Variants in ESRRG observed in about 807,000 individuals in gnomAD.
The protein encoded by ESRRG is estrogen related receptor gamma.
In ESRRG, 13 loss-of-function variants were observed where a neutral mutation model predicts 44.0. The observed-to-expected ratio is 0.30, with a 90% CI of 0.19 to 0.47. ESRRG has a LOEUF of 0.47. Among genes scored for constraint, ESRRG ranks in the 20% least tolerant of loss-of-function variants. ESRRG has a pLI of 1.00. For missense variants in ESRRG, 395 were observed against 580.6 expected (o/e 0.68, Z 3.29); for synonymous variants, 215 against 214.6 (o/e 1.00, Z -0.02).
chr1:216,686,806 C>T (rs531096593), intron 1 of ESRRG, among the ~76,000 whole-genome samples: 6 of 152,272 alleles, frequency 3.9e-5, no homozygotes, highest in African/African-American at 9.6e-5. Flanking sequence ...TCAGTTTTCT[C>T]ATTTATAAAA....
chr1:216,701,279 T>C (rs2151867617), intron 1 of ESRRG: 1 of 152,330 alleles, frequency 6.6e-6, no homozygotes, highest in Non-Finnish European at 1.5e-5. Flanking sequence ...CACCACACTA[T>C]CTTGCTTCCC....
chr1:216,698,871 T>C (rs909939978), intron 1 of ESRRG, among the ~76,000 whole-genome samples: 1 of 152,128 alleles, frequency 6.6e-6, no homozygotes, highest in Admixed American at 6.5e-5. Flanking sequence ...TCTTGAAAAA[T>C]GGCGACTTTC....
At chr1:216,899,493 C>T (rs1426805783) in intron 2 of ESRRG, among the ~76,000 whole-genome samples, 3 of 152,090 alleles carry the variant, frequency 2.0e-5, no homozygotes, top group Non-Finnish European at 2.9e-5. Context: ...AAGAGAAATA[C>T]TTCATTTATG....
intron 2 of ESRRG, among the ~76,000 whole-genome samples, chr1:216,875,626 T>C (rs1432368489): frequency 6.6e-6 from 1 of 152,012 alleles, no homozygotes; most frequent in Non-Finnish European, 1.5e-5. Context: ...ATGAATTCTA[T>C]ATTTATATTA....
chr1:216,656,966 G>T (rs1045539558), intron 2 of ESRRG, among the ~76,000 whole-genome samples: 1 of 152,084 alleles, frequency 6.6e-6, no homozygotes, highest in African/African-American at 2.4e-5. Context: ...CAATTACAGA[G>T]CATTGGAATC....
At chr1:216,632,864 C>T (rs1036229005) in intron 3 of ESRRG, among the ~76,000 whole-genome samples, 10 of 152,078 alleles carry the variant, frequency 6.6e-5, no homozygotes, top group Non-Finnish European at 4.4e-5. Context: ...AGTTTGTCAG[C>T]TGGAGGGAAT....
chr1:216,974,347 T>C (rs974473446), intron 1 of ESRRG, among the ~76,000 whole-genome samples: 3 of 152,138 alleles, frequency 2.0e-5, no homozygotes, highest in Non-Finnish European at 4.4e-5. Context: ...CCAAAATACA[T>C]GCAACTATTA....
intron 1 of ESRRG, chr1:216,682,083 A>G (rs1050915157): frequency 2.0e-5 from 3 of 152,250 alleles, no homozygotes; most frequent in African/African-American, 7.2e-5. Context: ...TCACCGAAAT[A>G]CAAGTTCTTA....
In ESRRG at chr1:216,983,239, A is replaced by ATT. The variant is rs112989445; in HGVS notation, c.-105-43568_-105-43567dup. 1.2e-3 allele frequency among the ~76,000 whole-genome samples: 182 copies of ATT among 148,224 alleles called. 3 individuals are homozygous for ATT. Among genetic ancestry groups the ATT allele is most frequent in the African/African-American group, 4.1e-3 (166 of 40,490 alleles). On this transcript the variant is annotated intron_variant, in intron 1 of 7. Transcript: ENST00000359162. ...CCAAGACAGTGGTATTGATTTTTTT[A>ATT]TTTTTTTTTTGAGACAGGGTCTCGC...
intron 2 of ESRRG, among the ~76,000 whole-genome samples, chr1:216,861,381 A>G (rs1431653665): frequency 6.6e-6 from 1 of 152,084 alleles, no homozygotes; most frequent in Non-Finnish European, 1.5e-5. Flanking sequence ...AATGTCTCCA[A>G]TACAAATAAA....
chr1:216,845,899 A>C (rs2148923044), intron 2 of ESRRG, among the ~76,000 whole-genome samples: 1 of 151,866 alleles, frequency 6.6e-6, no homozygotes, highest in Middle Eastern at 3.4e-3. Context: ...TCTCCACTCC[A>C]CTCCTCTTTG....
chr1:216,548,400 T>G (rs2055214697), intron 5 of ESRRG, among the ~76,000 whole-genome samples: 2 of 152,108 alleles, frequency 1.3e-5, no homozygotes, highest in South Asian at 4.1e-4. Context: ...TATAGTATAA[T>G]TCCTTAAAAT....
intron 1 of ESRRG, among the ~76,000 whole-genome samples, chr1:216,970,014 T>C: frequency 6.6e-6 from 1 of 152,286 alleles, no homozygotes; most frequent in African/African-American, 2.4e-5. Flanking sequence ...CAATGGCACA[T>C]GAAAGAATCA....
intron 2 of ESRRG, among the ~76,000 whole-genome samples, chr1:216,742,320 C>G (rs563479092): frequency 6.6e-5 from 10 of 152,144 alleles, no homozygotes; most frequent in Non-Finnish European, 1.3e-4. Flanking sequence ...GAGAGAGGAG[C>G]AAAAGATGCA....
chr1:216,902,693 G>A (rs2059225744), intron 2 of ESRRG, among the ~76,000 whole-genome samples: 1 of 152,134 alleles, frequency 6.6e-6, no homozygotes, highest in African/African-American at 2.4e-5. Context: ...CACCAGCTAA[G>A]GAAGCATAAG....
At chr1:216,775,037 G>T (rs147729142) in intron 2 of ESRRG, among the ~76,000 whole-genome samples, 1,805 of 151,598 alleles carry the variant, frequency 0.012, 43 homozygotes, top group African/African-American at 0.041. Flanking sequence ...TAAAACTCCT[G>T]CACTCAAGTA....
intron 2 of ESRRG, among the ~76,000 whole-genome samples, chr1:216,763,702 G>A (rs1371935873): frequency 6.6e-6 from 1 of 152,094 alleles, no homozygotes; most frequent in Non-Finnish European, 1.5e-5. Flanking sequence ...AGTTTTCACT[G>A]TGCATGGGCA....
chr1:217,051,146 G>GC (rs914604451), intron 1 of ESRRG, among the ~76,000 whole-genome samples: 55 of 146,308 alleles, frequency 3.8e-4, no homozygotes, highest in Non-Finnish European at 7.2e-4. Flanking sequence ...GCTGAAGTCA[G>GC]CAGTTACGTG....
intron 5 of ESRRG, among the ~76,000 whole-genome samples, chr1:216,540,049 A>T (rs180907151): frequency 0.012 from 1,848 of 152,132 alleles, 17 homozygotes; most frequent in Non-Finnish European, 0.018. Flanking sequence ...TAACCTAATC[A>T]TTCTTGGAGA....
Sources: gnomAD v4.1 joint callset for allele counts (sites outside exome capture counted in the v4.1 genomes callset) on GRCh38, gnomAD v4.1.1 for gene constraint, MANE v1.5 for transcripts, NCBI Gene and HGNC (gene_info 2026-07-23, HGNC 2026-07-21) for gene names.